ELOVL6: variants seen among roughly 807,000 people sequenced by gnomAD.
The protein encoded by ELOVL6 is ELOVL fatty acid elongase 6, also known as very long chain fatty acid elongase 6.
ELOVL6 carries 8 observed loss-of-function variants against 31.7 expected under a neutral mutation model. That is an observed-to-expected ratio of 0.25 (90% confidence interval 0.15 to 0.45). The LOEUF is 0.45. ELOVL6 is among the 20% of genes least tolerant of loss of function. The pLI, the probability that ELOVL6 is intolerant of heterozygous loss-of-function variation, is 1.00. For missense variants in ELOVL6, 126 were observed against 326.4 expected (o/e 0.39, Z 4.73); for synonymous variants, 101 against 117.7 (o/e 0.86, Z 0.92).
rs576200936 is a variant in ELOVL6 at position 110,166,207 on chromosome 4, G to T, written c.89+32040C>A. The stretch of plus-strand genomic sequence containing the variant: ...CAGTGTTCTTTGACATTATATCCCT[G>T]ATTTTCCTTCAAATGTTGTTGTCTT... On this transcript the variant is annotated intron_variant, in intron 1 of 3. Coordinates refer to ENST00000302274, the MANE Select transcript of ELOVL6 (RefSeq NM_024090.3). Among the ~76,000 whole-genome samples the T allele has an allele frequency of 3.9e-5, 6 of 152,262 alleles. No individual in the cohort carries two copies. In the South Asian group the frequency reaches 1.0e-3, roughly 26 times the overall value.
At chr4:110,101,518 T>C (rs2106995) in intron 2 of ELOVL6, among the ~76,000 whole-genome samples, 46,368 of 151,998 alleles carry the variant, frequency 0.31, 8,094 homozygotes, top group East Asian at 0.71. Flanking sequence ...CAAACAATAA[T>C]AAATGGCCAA....
At position 110,191,061 on chromosome 4, in the gene ELOVL6, C is replaced by T. The variant is rs375658407; in HGVS notation, c.89+7186G>A. On this transcript the variant is annotated intron_variant, in intron 1 of 3. Transcript: ENST00000302274. ...CTCGAACTCCTGACATCAAGTGATC[C>T]GCCTGCCTCGGCCTCCCAAAGTGCT... Among the ~76,000 whole-genome samples the T allele has an allele frequency of 3.7e-4, 56 of 152,176 alleles. No homozygotes were observed. The Middle Eastern group carries it at 0.014, about 37-fold the overall frequency.
intron 1 of ELOVL6, among the ~76,000 whole-genome samples, chr4:110,130,589 C>T (rs1005798647): frequency 2.0e-5 from 3 of 152,184 alleles, no homozygotes; most frequent in Non-Finnish European, 2.9e-5. Flanking sequence ...CTCCCAGAAA[C>T]ATATAAGGAC....
chr4:110,072,735 A>C (rs1436136362), intron 2 of ELOVL6, among the ~76,000 whole-genome samples: 1 of 152,130 alleles, frequency 6.6e-6, no homozygotes, highest in African/African-American at 2.4e-5. Flanking sequence ...GAAGTCTCCA[A>C]GATGCTGGCA....
chr4:110,172,344 G>A (rs1758973586), intron 1 of ELOVL6, among the ~76,000 whole-genome samples: 1 of 152,160 alleles, frequency 6.6e-6, no homozygotes, highest in African/African-American at 2.4e-5. Flanking sequence ...GTCTTTAACA[G>A]AAGCACACTT....
At chr4:110,076,536 A>C (rs1218372931) in intron 2 of ELOVL6, among the ~76,000 whole-genome samples, 1 of 152,226 alleles carries the variant, frequency 6.6e-6, no homozygotes, top group Non-Finnish European at 1.5e-5. Flanking sequence ...ATATGAAAAA[A>C]ATATGTAAAT....
intron 1 of ELOVL6, among the ~76,000 whole-genome samples, chr4:110,170,704 A>G (rs750646779): frequency 1.3e-5 from 2 of 152,210 alleles, no homozygotes; most frequent in Non-Finnish European, 2.9e-5. Flanking sequence ...TGCCTTAGAA[A>G]AACACGTTAG....
At chr4:110,165,657 A>G (rs989649474) in intron 1 of ELOVL6, among the ~76,000 whole-genome samples, 1 of 152,192 alleles carries the variant, frequency 6.6e-6, no homozygotes, top group African/African-American at 2.4e-5. Context: ...TCTCATCTGA[A>G]TCACACACAG....
At chr4:110,175,798 C>T (rs1759085442) in intron 1 of ELOVL6, among the ~76,000 whole-genome samples, 1 of 152,056 alleles carries the variant, frequency 6.6e-6, no homozygotes, top group Non-Finnish European at 1.5e-5. Context: ...CTAAGTCATG[C>T]CTTCATAGGA....
At chr4:110,076,752 G>T (rs933928468) in intron 2 of ELOVL6, among the ~76,000 whole-genome samples, 1 of 152,178 alleles carries the variant, frequency 6.6e-6, no homozygotes, top group Non-Finnish European at 1.5e-5. Context: ...GACAGTGGGT[G>T]CAGCGCACCG....
At chr4:110,158,579 A>G (rs1211511238) in intron 1 of ELOVL6, among the ~76,000 whole-genome samples, 5 of 147,352 alleles carry the variant, frequency 3.4e-5, no homozygotes, top group African/African-American at 1.2e-4. Flanking sequence ...ACATCTATAT[A>G]TATATGTATA....
chr4:110,101,472 G>A (rs985368018), intron 2 of ELOVL6, among the ~76,000 whole-genome samples: 11 of 151,320 alleles, frequency 7.3e-5, no homozygotes, highest in African/African-American at 1.9e-4. Flanking sequence ...ACATGTGTAC[G>A]TATATTTTAG....
intron 2 of ELOVL6, among the ~76,000 whole-genome samples, chr4:110,074,212 G>A (rs955771988): frequency 1.3e-5 from 2 of 152,194 alleles, no homozygotes; most frequent in African/African-American, 4.8e-5. Context: ...CACATAACCT[G>A]TGTCCATCTT....
intron 2 of ELOVL6, among the ~76,000 whole-genome samples, chr4:110,099,333 A>C (rs1756677732): frequency 6.6e-6 from 1 of 152,310 alleles, no homozygotes; most frequent in South Asian, 2.1e-4. Context: ...AAAAAAAGAG[A>C]ATAATTTTCT....
chr4:110,084,070 T>TGCCATATATGGTATATAAG (rs1560813819), intron 2 of ELOVL6, among the ~76,000 whole-genome samples: 7 of 82,842 alleles, frequency 8.4e-5, no homozygotes, highest in African/African-American at 2.3e-4. Flanking sequence ...ATATAACATA[T>TGCCATATATGGTATATAAG]ATATGCTATA....
At chr4:110,177,974 C>T (rs972503753) in intron 1 of ELOVL6, among the ~76,000 whole-genome samples, 8 of 152,208 alleles carry the variant, frequency 5.3e-5, no homozygotes, top group African/African-American at 1.7e-4. Context: ...AATTGTAATA[C>T]TATTATTCAG....
intron 1 of ELOVL6, among the ~76,000 whole-genome samples, chr4:110,149,431 A>G (rs1758221623): frequency 6.6e-6 from 1 of 152,244 alleles, no homozygotes; most frequent in Non-Finnish European, 1.5e-5. Context: ...TGTGTACACA[A>G]TGAATACTAC....
chr4:110,070,877 T>C (rs76781087), intron 2 of ELOVL6, among the ~76,000 whole-genome samples: 7,940 of 151,006 alleles, frequency 0.053, 252 homozygotes, highest in East Asian at 0.15. Context: ...CAATTAAACC[T>C]CTTTTTTTTT....
chr4:110,066,952 G>A (rs1755323745), intron 2 of ELOVL6, among the ~76,000 whole-genome samples: 2 of 151,196 alleles, frequency 1.3e-5, no homozygotes, highest in Non-Finnish European at 2.9e-5. Flanking sequence ...AGTGTGTGAT[G>A]TTTCCCTCCC....
Sources: gnomAD v4.1 joint callset for allele counts (sites outside exome capture counted in the v4.1 genomes callset) on GRCh38, gnomAD v4.1.1 for gene constraint, MANE v1.5 for transcripts, NCBI Gene and HGNC (gene_info 2026-07-23, HGNC 2026-07-21) for gene names.